Variants in KAT2A observed in about 807,000 individuals in gnomAD.
The protein encoded by KAT2A is histone acetyltransferase KAT2A.
In KAT2A, 42 loss-of-function variants were observed where a neutral mutation model predicts 95.2. That is an observed-to-expected ratio of 0.44 (90% CI 0.34 to 0.57). The LOEUF (loss-of-function observed/expected upper bound fraction) is 0.57. Among genes scored for constraint, KAT2A ranks in the 20% least tolerant of loss-of-function variants. The pLI is 0.01. For synonymous variants in KAT2A, 449 were observed against 448.2 expected (o/e 1.00, Z -0.02); for missense variants, 784 against 1,126.3 (o/e 0.70, Z 4.35).
rs559397785 is a variant in KAT2A at position 42,119,034 on chromosome 17, C to T, written c.1073+211G>A. On this transcript the variant is annotated intron_variant, in intron 6 of 17. Coordinates refer to ENST00000225916, the MANE Select transcript of KAT2A (RefSeq NM_021078.3). The surrounding 1 kb of genome is among the most constrained non-coding windows in gnomAD (Gnocchi z 5.3). Reference sequence around the variant, plus strand: ...GGGGCGTAGGGTCGGGTGGGGGCAGCGTTAGCTTGGGCTATGTACCTGCCA... The same window carrying T: ...GGGGCGTAGGGTCGGGTGGGGGCAGTGTTAGCTTGGGCTATGTACCTGCCA... The T allele has an allele frequency of 1.4e-5, 20 of 1,387,780 alleles. 1 individual carries two copies. In the East Asian group the frequency reaches 4.1e-4, roughly 28 times the overall value. 86.0% of individuals were successfully genotyped at this position (1,387,780 alleles called of 1,614,324 possible).
chr17:42,118,033 GACGTC>G lies in KAT2A; in HGVS notation c.1181-21_1181-17del. The G allele has an allele frequency of 7.1e-7, 1 of 1,415,408 alleles. No homozygotes were observed. Among genetic ancestry groups the G allele is most frequent in the Non-Finnish European group, 9.6e-7 (1 of 1,040,800 alleles). 87.7% of individuals were successfully genotyped at this position (1,415,408 alleles called of 1,614,324 possible). A position where few individuals can be genotyped will look rare whatever the true frequency, so the allele number is the denominator to read the frequency against. ...CTGACTGAAGCTGAGGAGAGAGAGAGACGTCAGGGATGGGGGGCTGAAGCTGAGGA... is the reference window on the plus strand; with the variant it reads ...CTGACTGAAGCTGAGGAGAGAGAGAGAGGGATGGGGGGCTGAAGCTGAGGA... On this transcript the variant is annotated splice_polypyrimidine_tract_variant and intron_variant, in intron 7 of 17. Coordinates refer to ENST00000225916, the MANE Select transcript of KAT2A (RefSeq NM_021078.3).
intron 7 of KAT2A, 133 bp downstream of exon 7, chr17:42,118,164 G>C (rs536107971): frequency 1.5e-5 from 12 of 800,156 alleles, no homozygotes; most frequent in African/African-American, 1.2e-4. Flanking sequence ...GGCAGGGACT[G>C]GGGGGGCTGA....
chr17:42,119,887 AC>A lies in KAT2A; in HGVS notation c.699+142del. 3 of 958,716 alleles carry A rather than the reference AC, an allele frequency of 3.1e-6. No individual in the cohort carries two copies. Among genetic ancestry groups the A allele is most frequent in the Non-Finnish European group, 4.8e-6 (3 of 623,216 alleles). 59.4% of individuals were successfully genotyped at this position (958,716 alleles called of 1,614,324 possible). On this transcript the variant is annotated intron_variant, in intron 4 of 17. Coordinates refer to ENST00000225916, the MANE Select transcript of KAT2A (RefSeq NM_021078.3). The surrounding 1 kb of genome is among the most constrained non-coding windows in gnomAD (Gnocchi z 5.3). Reference sequence around the variant, plus strand: ...CTGCCCCCTCCCTACCACCATGCCCACCCTGAGGTTAGCACAAAACACCCTT... The same window carrying A: ...CTGCCCCCTCCCTACCACCATGCCCACCTGAGGTTAGCACAAAACACCCTT...
chr17:42,119,907 C>T lies in KAT2A; in HGVS notation c.699+123G>A. 1.9e-6 allele frequency: 2 copies of T among 1,065,272 alleles called. No individual in the cohort carries two copies. Among genetic ancestry groups the T allele is most frequent in the Non-Finnish European group, 2.8e-6 (2 of 706,580 alleles). The allele number at this position is 1,065,272 out of a possible 1,614,324, so 66.0% of individuals were successfully genotyped here. A position where few individuals can be genotyped will look rare whatever the true frequency, so the allele number is the denominator to read the frequency against. ...TGCCCACCCTGAGGTTAGCACAAAA[C>T]ACCCTTCCTTCTCTGAACCTCCCCA... On this transcript the variant is annotated intron_variant, in intron 4 of 17. Coordinates refer to ENST00000225916, the MANE Select transcript of KAT2A (RefSeq NM_021078.3). This position sits in a 1 kb window ranked among gnomAD's most constrained non-coding sequence, Gnocchi z 5.3.
rs1200594592 is a variant in KAT2A, at chr17:42,119,840, G to A, written c.700-122C>T. 5.8e-5 allele frequency: 58 copies of A among 1,005,794 alleles called. No individual in the cohort carries two copies. The highest frequency in any genetic ancestry group is 3.9e-5 in the Non-Finnish European group (27 of 684,512). The allele number at this position is 1,005,794 out of a possible 1,614,324, so 62.3% of individuals were successfully genotyped here. ...AGGTTCTCCTTCTCCTCTCTCTCTC[G>A]GGTGCTCTCTATAGAAAAGCTCTGC... On this transcript the variant is annotated intron_variant, in intron 4 of 17. Coordinates refer to ENST00000225916, the MANE Select transcript of KAT2A (RefSeq NM_021078.3). This position sits in a 1 kb window ranked among gnomAD's most constrained non-coding sequence, Gnocchi z 5.3.
chr17:42,118,696 C>G (rs1598232957), intron 6 of KAT2A, among the ~76,000 whole-genome samples: 2 of 152,226 alleles, frequency 1.3e-5, no homozygotes, highest in East Asian at 3.8e-4. Flanking sequence ...CCTTGTCACC[C>G]TGAGCCCCCT....
At position 42,114,480 on chromosome 17, in the gene KAT2A, C is replaced by T; in HGVS notation, c.2134+10G>A. ...GCCCCCACTACCCTGCAACTGAGAC[C>T]CCTGCTTACGAATGCCAGGAACGCT... On this transcript the variant is annotated intron_variant, in intron 14 of 17. Transcript: ENST00000225916. The surrounding 1 kb of genome is among the most constrained non-coding windows in gnomAD (Gnocchi z 6.0). The T allele has an allele frequency of 6.2e-7, 1 of 1,613,772 alleles. No individual in the cohort carries two copies. The highest frequency in any genetic ancestry group is 8.5e-7 in the Non-Finnish European group (1 of 1,179,708).
intron 11 of KAT2A, among the ~76,000 whole-genome samples, chr17:42,116,721 T>C (rs1555666024): frequency 6.6e-6 from 1 of 152,092 alleles, no homozygotes; most frequent in African/African-American, 2.4e-5. Flanking sequence ...AGACCCTCTT[T>C]CAAAAAAATA....
chr17:42,119,786 C>G lies in KAT2A; in HGVS notation c.700-68G>C. The G allele has an allele frequency of 7.4e-7, 1 of 1,354,978 alleles. No homozygotes were observed. The highest frequency in any genetic ancestry group is 1.0e-6 in the Non-Finnish European group (1 of 988,244). 83.9% of individuals were successfully genotyped at this position (1,354,978 alleles called of 1,614,324 possible). The stretch of plus-strand genomic sequence containing the variant: ...GAGCAGCCCGCAGGGCCTTCTTAGA[C>G]AAAGGAAGATGCTCCCTGGCCAGGG... On this transcript the variant is annotated intron_variant, in intron 4 of 17. Transcript: ENST00000225916. The surrounding 1 kb of genome is among the most constrained non-coding windows in gnomAD (Gnocchi z 5.3).
chr17:42,113,646 G>C lies in KAT2A; in HGVS notation c.*3C>G. The C allele has an allele frequency of 6.2e-7, 1 of 1,604,822 alleles. No homozygotes were observed. The highest frequency in any genetic ancestry group is 8.5e-7 in the Non-Finnish European group (1 of 1,177,362). On this transcript the variant is annotated 3_prime_UTR_variant, in exon 18 of 18. Transcript: ENST00000225916. ...AGGTCAGGGCTGCGGCCCAAAGATG[G>C]GCCTACTTGTCAATGAGGCCTCCCT...
In KAT2A at chr17:42,117,700, G is replaced by A; in HGVS notation, c.1406C>T (p.Pro469Leu). 1 of 1,611,854 alleles carries A rather than the reference G, an allele frequency of 6.2e-7. No individual in the cohort carries two copies. Among genetic ancestry groups the A allele is most frequent in the Non-Finnish European group, 8.5e-7 (1 of 1,178,614 alleles). Residue 469 changes from proline to leucine, a missense_variant, in exon 9 of 18, where the codon CCT (proline) becomes CTT (leucine). Pro to Leu is a moderately conservative substitution (Grantham distance 98). This residue lies in a region of KAT2A where 174 missense variants were observed against 324.9 expected (regional missense o/e 0.54). Coordinates refer to ENST00000225916, the MANE Select transcript of KAT2A (RefSeq NM_021078.3). The surrounding 1 kb of genome is among the most constrained non-coding windows in gnomAD (Gnocchi z 8.9). Reference protein sequence around the residue: ...VNEVMLTITDPAAMLGPETSL... With the variant: ...VNEVMLTITDLAAMLGPETSL... ...CACCTCAGGCCCCAGCATGGCAGCA[G>A]GGTCAGTGATGGTCAGCATGACCTC...
Position 42,114,165 on chromosome 17 carries a change from A to G in KAT2A, c.2235+54T>C. 2 of 1,576,660 alleles carry G rather than the reference A, an allele frequency of 1.3e-6. No individual in the cohort carries two copies. Among genetic ancestry groups the G allele is most frequent in the South Asian group, 1.1e-5 (1 of 87,394 alleles). ...CCACTACCCACCCCACACTGCATCA[A>G]GAGGCCACAGCCATTGGTGCAGGGG... On this transcript the variant is annotated intron_variant, in intron 16 of 17. Transcript: ENST00000225916. This position sits in a 1 kb window ranked among gnomAD's most constrained non-coding sequence, Gnocchi z 6.0.
chr17:42,120,968 T>G lies in KAT2A; in HGVS notation c.337A>C (p.Lys113Gln), dbSNP rs2054328738. Reference protein sequence around the residue: ...LEKLGVFSACKANETCKCNGW... With the variant: ...LEKLGVFSACQANETCKCNGW... ...TTCACCCCAGGCCCCGCCCCCACCT[T>G]GCAAGCCGAGAAGACCCCTAGCTTC... Residue 113 changes from lysine (K) to glutamine (Q), a missense_variant and splice_region_variant, in exon 1 of 18, where the codon AAG (lysine) becomes CAG (glutamine). Lys to Gln is a moderately conservative substitution (Grantham distance 53, BLOSUM62 1). Transcript: ENST00000225916. The G allele has an allele frequency of 6.4e-7, 1 of 1,574,470 alleles. No homozygotes were observed. Among genetic ancestry groups the G allele is most frequent in the Admixed American group, 1.8e-5 (1 of 55,580 alleles).
rs868928020 is a variant in KAT2A at position 42,117,027 on chromosome 17, G to A, written c.1764+8C>T. 6.8e-6 allele frequency: 11 copies of A among 1,613,452 alleles called. No homozygotes were observed. Among genetic ancestry groups the A allele is most frequent in the East Asian group, 2.2e-5 (1 of 44,882 alleles). ...GGACTGGGGCTGGGGCCGGGGAGCC[G>A]CGCTCACCTTGACCTGCTCATTCGA... On this transcript the variant is annotated splice_region_variant and intron_variant, in intron 11 of 17. Transcript: ENST00000225916. The surrounding 1 kb of genome is among the most constrained non-coding windows in gnomAD (Gnocchi z 8.9).
chr17:42,118,194 A>AGTG, intron 7 of KAT2A, 103 bp downstream of exon 7: 3 of 956,398 alleles, frequency 3.1e-6, no homozygotes, highest in Non-Finnish European at 4.9e-6. Context: ...CAGGTCCCTC[A>AGTG]GTGGGATCCA....
Position 42,114,729 on chromosome 17 carries a change from A to C in KAT2A, c.2020-125T>G, listed in dbSNP as rs1383251817. The C allele has an allele frequency of 4.3e-6, 5 of 1,166,576 alleles. No homozygotes were observed. The African/African-American group carries it at 6.0e-5, about 14-fold the overall frequency. 72.3% of individuals were successfully genotyped at this position (1,166,576 alleles called of 1,614,324 possible). A position where few individuals can be genotyped will look rare whatever the true frequency, so the allele number is the denominator to read the frequency against. ...GCCACCTAATCCAGCACCTCCCCTC[A>C]TAACTTCCCCAAGGGAGCAGAGCAA... On this transcript the variant is annotated intron_variant, in intron 13 of 17. Transcript: ENST00000225916. The surrounding 1 kb of genome is among the most constrained non-coding windows in gnomAD (Gnocchi z 6.0).
Position 42,119,701 on chromosome 17 carries a change from C to A in KAT2A, c.717G>T (p.Val239=). The A allele has an allele frequency of 6.2e-7, 1 of 1,608,356 alleles. No homozygotes were observed. Among genetic ancestry groups the A allele is most frequent in the South Asian group, 1.1e-5 (1 of 90,238 alleles). The change falls in exon 5 of 18, where the codon GTG becomes GTT. Residue 239 remains valine (V), a synonymous_variant. Transcript: ENST00000225916. This position sits in a 1 kb window ranked among gnomAD's most constrained non-coding sequence, Gnocchi z 5.3. Reference sequence around the variant, plus strand: ...GAGCCAGGTGACTAAACTTGTACTGCACAAAGTTCAGCACACCCTGAGAAG... The same window carrying A: ...GAGCCAGGTGACTAAACTTGTACTGAACAAAGTTCAGCACACCCTGAGAAG... ...PNIEQGVLNF[V]QYKFSHLAPR...
At position 42,114,713 on chromosome 17, in the gene KAT2A, T is replaced by A. The variant is rs1363860245; in HGVS notation, c.2020-109A>T. 12 of 1,170,044 alleles carry A rather than the reference T, an allele frequency of 1.0e-5. No homozygotes were observed. The highest frequency in any genetic ancestry group is 1.5e-5 in the Non-Finnish European group (12 of 806,086). 72.5% of individuals were successfully genotyped at this position (1,170,044 alleles called of 1,614,324 possible). A position where few individuals can be genotyped will look rare whatever the true frequency, so the allele number is the denominator to read the frequency against. Reference sequence around the variant, plus strand: ...CCCACCCAGCTGCAACGCCACCTAATCCAGCACCTCCCCTCATAACTTCCC... The same window carrying A: ...CCCACCCAGCTGCAACGCCACCTAAACCAGCACCTCCCCTCATAACTTCCC... On this transcript the variant is annotated intron_variant, in intron 13 of 17. Coordinates refer to ENST00000225916, the MANE Select transcript of KAT2A (RefSeq NM_021078.3). The surrounding 1 kb of genome is among the most constrained non-coding windows in gnomAD (Gnocchi z 6.0).
At position 42,114,765 on chromosome 17, in the gene KAT2A, C is replaced by T. The variant is rs1172841918; in HGVS notation, c.2019+127G>A. ...AAGGGAGCAGAGCAAGAGCCAAGAT[C>T]CTGGCCTGCCCCTCCTCACTCACAC... On this transcript the variant is annotated intron_variant, in intron 13 of 17. Coordinates refer to ENST00000225916, the MANE Select transcript of KAT2A (RefSeq NM_021078.3). This position sits in a 1 kb window ranked among gnomAD's most constrained non-coding sequence, Gnocchi z 6.0. 1 of 1,229,370 alleles carries T rather than the reference C, an allele frequency of 8.1e-7. No homozygotes were observed. The highest frequency in any genetic ancestry group is 1.5e-5 in the African/African-American group (1 of 67,466). The allele number at this position is 1,229,370 out of a possible 1,614,324, so 76.2% of individuals were successfully genotyped here. A position where few individuals can be genotyped will look rare whatever the true frequency, so the allele number is the denominator to read the frequency against.
Sources: allele counts gnomAD v4.1 joint callset (sites outside exome capture counted in the v4.1 genomes callset), GRCh38; gene constraint gnomAD v4.1.1; regional missense constraint gnomAD v4.1.1; non-coding constraint Gnocchi (gnomAD v3.1); transcripts MANE v1.5; gene names NCBI Gene and HGNC (gene_info 2026-07-23, HGNC 2026-07-21).